Variants in LRRC69 observed in about 807,000 individuals in gnomAD.
The protein encoded by LRRC69 is leucine rich repeat containing 69.
Under a neutral mutation model 37.8 loss-of-function variants are expected in LRRC69, and 42 were observed. The ratio of observed to expected loss-of-function variants is 1.11; its 90% CI spans 0.87 to 1.44. The LOEUF (loss-of-function observed/expected upper bound fraction) is 1.44, where lower values mean the gene tolerates loss of function less well. LRRC69 is among the 40% of genes most tolerant of loss of function. The pLI, the probability that LRRC69 is intolerant of heterozygous loss-of-function variation, is 0.00. For synonymous variants in LRRC69, 141 were observed against 143.1 expected (o/e 0.99, Z 0.11); for missense variants, 357 against 401.9 (o/e 0.89, Z 0.96).
intron 1 of LRRC69, among the ~76,000 whole-genome samples, chr8:91,113,445 C>T (rs1027785898): frequency 9.2e-5 from 14 of 151,820 alleles, no homozygotes; most frequent in African/African-American, 3.1e-4. Flanking sequence ...TGAAAGGGTG[C>T]GAAGAGCACA....
At chr8:91,198,600 AAATC>A (rs1809660335) in intron 6 of LRRC69, among the ~76,000 whole-genome samples, 1 of 152,154 alleles carries the variant, frequency 6.6e-6, no homozygotes, top group Non-Finnish European at 1.5e-5. Context: ...AGGACATATA[AAATC>A]AATTTCATTT....
intron 6 of LRRC69, among the ~76,000 whole-genome samples, chr8:91,194,420 T>C (rs958007779): frequency 2.6e-5 from 4 of 151,920 alleles, no homozygotes; most frequent in African/African-American, 9.7e-5. Flanking sequence ...TCAGAAGGAA[T>C]GGTACCAGTT....
Position 91,138,940 on chromosome 8 carries a change from C to T in LRRC69, c.651+3201C>T, listed in dbSNP as rs1038124739. The T allele has an allele frequency of 6.6e-5, 10 of 151,496 alleles. No individual in the cohort carries two copies. In the East Asian group the frequency reaches 1.4e-3, roughly 21 times the overall value. The allele number at this position is 151,496 out of a possible 1,614,324, so 9.4% of individuals were successfully genotyped here. ...AATTAGCTGGGTTTAGTGGTACACC[C>T]TGTGGTCCCAGTTACTTGAGGTGAA... On this transcript the variant is annotated intron_variant, in intron 5 of 7. Transcript: ENST00000448384.
chr8:91,196,691 T>A (rs1175504707), intron 6 of LRRC69, among the ~76,000 whole-genome samples: 2 of 151,878 alleles, frequency 1.3e-5, no homozygotes, highest in Non-Finnish European at 1.5e-5. Flanking sequence ...GGTTTTCAGC[T>A]CCATCAGCTC....
At chr8:91,133,363 G>C (rs1364748784) in intron 4 of LRRC69, 58 bp downstream of exon 4, 2 of 1,291,648 alleles carry the variant, frequency 1.5e-6, no homozygotes, top group Admixed American at 6.6e-5. Flanking sequence ...AACATGATGG[G>C]AGGTGGTTAT....
chr8:91,108,038 G>A (rs1391245692), intron 1 of LRRC69, among the ~76,000 whole-genome samples: 1 of 152,052 alleles, frequency 6.6e-6, no homozygotes, highest in Non-Finnish European at 1.5e-5. Flanking sequence ...ATCTCTAATT[G>A]TGTGCAGCAT....
intron 5 of LRRC69, among the ~76,000 whole-genome samples, chr8:91,143,888 C>G (rs1319067973): frequency 1.3e-5 from 2 of 151,892 alleles, no homozygotes; most frequent in African/African-American, 4.8e-5. Flanking sequence ...TTAAATTTGC[C>G]TAGCTTAACA....
intron 5 of LRRC69, among the ~76,000 whole-genome samples, chr8:91,140,091 CAAAAA>C (rs560827789): frequency 4.3e-5 from 5 of 114,994 alleles, no homozygotes; most frequent in Admixed American, 9.7e-5. Flanking sequence ...AACTCCGTCT[CAAAAA>C]AAAAAAAAAA....
intron 5 of LRRC69, among the ~76,000 whole-genome samples, chr8:91,145,420 A>G (rs1259955007): frequency 6.6e-6 from 1 of 151,882 alleles, no homozygotes; most frequent in Non-Finnish European, 1.5e-5. Context: ...TTAGAGATCC[A>G]CTTTATTCTT....
chr8:91,126,723 A>G (rs1813722026), intron 2 of LRRC69, among the ~76,000 whole-genome samples: 1 of 152,042 alleles, frequency 6.6e-6, no homozygotes, highest in Non-Finnish European at 1.5e-5. Context: ...GGGAGGAAAG[A>G]GAGAGCGGGT....
intron 6 of LRRC69, among the ~76,000 whole-genome samples, chr8:91,192,059 T>C (rs1339442798): frequency 4.3e-5 from 6 of 140,200 alleles, no homozygotes; most frequent in Admixed American, 1.6e-4. Flanking sequence ...TGTGATCTCA[T>C]TGTTCAATTC....
At chr8:91,158,268 T>C in intron 5 of LRRC69, 5 of 1,541,716 alleles carry the variant, frequency 3.2e-6, no homozygotes, top group Non-Finnish European at 4.5e-6. Flanking sequence ...CCCCTGATTG[T>C]TTGTCGAAGA....
At chr8:91,110,217 A>G (rs970885033) in intron 1 of LRRC69, among the ~76,000 whole-genome samples, 12 of 152,098 alleles carry the variant, frequency 7.9e-5, no homozygotes, top group African/African-American at 2.9e-4. Context: ...AAGTAGTTCA[A>G]ACATATTTAT....
intron 5 of LRRC69, among the ~76,000 whole-genome samples, chr8:91,148,520 G>A (rs1385842443): frequency 6.6e-6 from 1 of 151,890 alleles, no homozygotes; most frequent in African/African-American, 2.4e-5. Flanking sequence ...CTTTGCTATC[G>A]TGAATAGTGC....
At chr8:91,110,420 A>C (rs1813389531) in intron 1 of LRRC69, among the ~76,000 whole-genome samples, 1 of 151,996 alleles carries the variant, frequency 6.6e-6, no homozygotes, top group South Asian at 2.1e-4. Flanking sequence ...GGTGGGGATC[A>C]CCTGAGGTCA....
chr8:91,124,745 T>C, intron 2 of LRRC69, 126 bp downstream of exon 2: 1 of 770,420 alleles, frequency 1.3e-6, no homozygotes, highest in Non-Finnish European at 2.0e-6. Context: ...ATTTACATAC[T>C]ACTCTTGAAA....
intron 5 of LRRC69, among the ~76,000 whole-genome samples, chr8:91,169,105 G>A (rs562281563): frequency 1.3e-5 from 2 of 151,902 alleles, no homozygotes; most frequent in African/African-American, 4.8e-5. Flanking sequence ...ATAAAATATT[G>A]TCCTTTTTAG....
chr8:91,136,549 T>A (rs1380203711), intron 5 of LRRC69, among the ~76,000 whole-genome samples: 1 of 152,038 alleles, frequency 6.6e-6, no homozygotes, highest in Non-Finnish European at 1.5e-5. Flanking sequence ...TCTACTTGTA[T>A]AGTCCACGGT....
chr8:91,142,528 G>A lies in LRRC69; in HGVS notation c.651+6789G>A, dbSNP rs540362863. ...ATTGAGGCTCCAGAGTAGTTTGTCC[G>A]CAGCAGTGACCCTCAAACTTGAATG... On this transcript the variant is annotated intron_variant, in intron 5 of 7. Coordinates refer to ENST00000448384, the Ensembl canonical transcript of LRRC69. 6.6e-4 allele frequency among the ~76,000 whole-genome samples: 100 copies of A among 152,130 alleles called. 1 individual carries two copies. Among genetic ancestry groups the A allele is most frequent in the African/African-American group, 2.3e-3 (96 of 41,560 alleles).
Sources: allele counts gnomAD v4.1 joint callset (sites outside exome capture counted in the v4.1 genomes callset), GRCh38; gene constraint gnomAD v4.1.1; transcripts MANE v1.5; gene names NCBI Gene and HGNC (gene_info 2026-07-23, HGNC 2026-07-21).